The following IGF2BP3 variants were observed in gnomAD, a reference collection of about 807,000 sequenced individuals.
The protein encoded by IGF2BP3 is insulin like growth factor 2 mRNA binding protein 3.
A neutral mutation model predicts 73.8 loss-of-function variants in IGF2BP3; 9 were observed. The observed-to-expected ratio is 0.12, with a 90% CI of 0.07 to 0.21. The LOEUF (loss-of-function observed/expected upper bound fraction) is 0.21. Ranked by LOEUF, IGF2BP3 falls within the 10% of genes least tolerant of loss-of-function variation. The pLI, the probability that IGF2BP3 is intolerant of heterozygous loss-of-function variation, is 1.00. For synonymous variants in IGF2BP3, 258 were observed against 256.7 expected (o/e 1.01, Z -0.05); for missense variants, 542 against 714.0 (o/e 0.76, Z 2.75).
chr7:23,358,186 G>A (rs1785143425), intron 5 of IGF2BP3, among the ~76,000 whole-genome samples: 1 of 152,200 alleles, frequency 6.6e-6, no homozygotes, highest in Non-Finnish European at 1.5e-5. Context: ...CTTGACCAAA[G>A]TCAGCTAGAA....
intron 7 of IGF2BP3, 57 bp downstream of exon 7, chr7:23,347,543 C>G: frequency 1.9e-6 from 3 of 1,573,432 alleles, no homozygotes; most frequent in Non-Finnish European, 2.6e-6. Context: ...TCAGAGATGT[C>G]AAAAATACAA....
chr7:23,357,624 GGA>G (rs1443736408), intron 5 of IGF2BP3, among the ~76,000 whole-genome samples: 23 of 152,026 alleles, frequency 1.5e-4, no homozygotes, highest in Non-Finnish European at 1.0e-4. Context: ...CTCGCTCTGA[GGA>G]ACAAGAAAAG....
intron 2 of IGF2BP3, among the ~76,000 whole-genome samples, chr7:23,446,366 A>G (rs1347890092): frequency 6.6e-6 from 1 of 152,200 alleles, no homozygotes; most frequent in East Asian, 1.9e-4. Context: ...GTTTGAGACC[A>G]GCCTGGCCAA....
intron 2 of IGF2BP3, among the ~76,000 whole-genome samples, chr7:23,433,555 A>T (rs550594040): frequency 2.9e-4 from 44 of 150,384 alleles, no homozygotes; most frequent in Non-Finnish European, 6.0e-4. Flanking sequence ...ACCATAGCTC[A>T]CTGCAGCCTC....
chr7:23,356,764 T>C (rs1209483661), intron 5 of IGF2BP3, among the ~76,000 whole-genome samples: 1 of 152,136 alleles, frequency 6.6e-6, no homozygotes, highest in East Asian at 1.9e-4. Context: ...CTGGGTAATA[T>C]GATTTTAAGG....
intron 3 of IGF2BP3, among the ~76,000 whole-genome samples, chr7:23,380,794 T>A (rs571558290): frequency 6.6e-6 from 1 of 152,286 alleles, no homozygotes; most frequent in Admixed American, 6.5e-5. Context: ...GAGACTGGGA[T>A]GATGCAGCTA....
chr7:23,428,211 C>T (rs920323226), intron 2 of IGF2BP3, among the ~76,000 whole-genome samples: 12 of 151,984 alleles, frequency 7.9e-5, no homozygotes, highest in African/African-American at 2.9e-4. Context: ...ATGGCTCATG[C>T]CTGTAATCCC....
rs1290897506 is a variant in IGF2BP3 at position 23,357,500 on chromosome 7, T to C, written c.401+4034A>G. 1.1e-4 allele frequency among the ~76,000 whole-genome samples: 17 copies of C among 152,150 alleles called. 1 individual carries two copies. Among genetic ancestry groups the C allele is most frequent in the Admixed American group, 1.1e-3 (17 of 15,280 alleles). On this transcript the variant is annotated intron_variant, in intron 5 of 14. Transcript: ENST00000258729. The stretch of plus-strand genomic sequence containing the variant: ...GTATAAGAACTCAATGTCTACACAT[T>C]TTCTAGGGGGTTATTTCTTTGTCAC...
intron 3 of IGF2BP3, among the ~76,000 whole-genome samples, chr7:23,390,663 C>G (rs528251373): frequency 6.6e-6 from 1 of 152,244 alleles, no homozygotes; most frequent in East Asian, 1.9e-4. Context: ...CCTTTACCCC[C>G]TTTTCTCCCT....
intron 10 of IGF2BP3, among the ~76,000 whole-genome samples, chr7:23,333,589 A>G (rs1337110130): frequency 6.6e-6 from 1 of 152,256 alleles, no homozygotes; most frequent in Non-Finnish European, 1.5e-5. Flanking sequence ...AATAGTGGCC[A>G]GTAGATAAGG....
intron 3 of IGF2BP3, among the ~76,000 whole-genome samples, chr7:23,404,041 A>T (rs1786751535): frequency 6.6e-6 from 1 of 151,978 alleles, no homozygotes; most frequent in African/African-American, 2.4e-5. Flanking sequence ...CAGGAGGCCA[A>T]GGCAGGAGGA....
chr7:23,448,552 A>G (rs2128547500), intron 2 of IGF2BP3, among the ~76,000 whole-genome samples: 1 of 152,200 alleles, frequency 6.6e-6, no homozygotes, highest in Middle Eastern at 3.4e-3. Flanking sequence ...ACAGGCATGC[A>G]CCATCACACT....
intron 3 of IGF2BP3, among the ~76,000 whole-genome samples, chr7:23,415,899 G>A (rs116749313): frequency 6.6e-6 from 1 of 152,190 alleles, no homozygotes; most frequent in Non-Finnish European, 1.5e-5. Flanking sequence ...CTGTGCTCCT[G>A]CCTGGATCTC....
At chr7:23,329,338 T>C (rs1198656751) in intron 10 of IGF2BP3, among the ~76,000 whole-genome samples, 1 of 152,230 alleles carries the variant, frequency 6.6e-6, no homozygotes, top group East Asian at 1.9e-4. Context: ...GAGTATTCCC[T>C]CAAATAGATA....
At chr7:23,401,424 A>G (rs1357274874) in intron 3 of IGF2BP3, among the ~76,000 whole-genome samples, 4 of 152,098 alleles carry the variant, frequency 2.6e-5, no homozygotes, top group Non-Finnish European at 5.9e-5. Flanking sequence ...ATTCAAACTC[A>G]CAGTACAAAA....
chr7:23,433,200 C>G (rs900779652), intron 2 of IGF2BP3, among the ~76,000 whole-genome samples: 3 of 152,126 alleles, frequency 2.0e-5, no homozygotes, highest in Non-Finnish European at 4.4e-5. Context: ...CATACTTTTC[C>G]ATAGCTAAAA....
At chr7:23,468,379 A>C (rs1788619122) in intron 2 of IGF2BP3, 103 bp downstream of exon 2, 1 of 1,184,704 alleles carries the variant, frequency 8.4e-7, no homozygotes, top group Non-Finnish European at 1.3e-6. Context: ...ACCACGCCAC[A>C]CGGCAGGGGG....
intron 2 of IGF2BP3, 25 bp downstream of exon 2, chr7:23,468,457 G>T: frequency 1.2e-6 from 2 of 1,613,342 alleles, no homozygotes; most frequent in Non-Finnish European, 1.7e-6. Context: ...GAACAGAATC[G>T]GGGCAAACAG....
At chr7:23,372,212 C>T (rs274042) in intron 3 of IGF2BP3, among the ~76,000 whole-genome samples, 17 of 152,070 alleles carry the variant, frequency 1.1e-4, no homozygotes, top group Admixed American at 7.2e-4. Flanking sequence ...GTAGCTGGGA[C>T]TACAGGCACG....
Sources: allele counts gnomAD v4.1 joint callset (sites outside exome capture counted in the v4.1 genomes callset), GRCh38; gene constraint gnomAD v4.1.1; transcripts MANE v1.5; gene names NCBI Gene and HGNC (gene_info 2026-07-23, HGNC 2026-07-21).